Variants in GLRA2 observed in about 807,000 individuals in gnomAD.
GLRA2 encodes glycine receptor subunit alpha-2.
A neutral mutation model predicts 31.6 loss-of-function variants in GLRA2; 11 were observed. The observed-to-expected ratio is 0.35, with a 90% CI of 0.22 to 0.58. The LOEUF (loss-of-function observed/expected upper bound fraction) is 0.58. Among genes scored for constraint, GLRA2 ranks in the 20% least tolerant of loss-of-function variants. The probability of loss-of-function intolerance (pLI) is 0.84; values close to 1 mark genes in which losing one functional copy is unlikely to be tolerated. For synonymous variants in GLRA2, 132 were observed against 134.0 expected (o/e 0.99, Z 0.10); for missense variants, 212 against 351.8 (o/e 0.60, Z 3.18).
the GLRA2 span, among the ~76,000 whole-genome samples, chrX:14,449,536 G>A: frequency 8.9e-6 from 1 of 112,244 alleles, no homozygotes; most frequent in Admixed American, 9.4e-5. Flanking sequence ...GGCCAGGTGG[G>A]GAGAAAGCAG....
intron 7 of GLRA2, among the ~76,000 whole-genome samples, chrX:14,681,973 G>A (rs1462634503): frequency 3.5e-5 from 3 of 85,549 alleles, no homozygotes; most frequent in Admixed American, 1.3e-4. Flanking sequence ...ATTTATGTGT[G>A]TATATATGTA....
chrX:14,728,967 C>A (rs1209196264), intron 8 of GLRA2, among the ~76,000 whole-genome samples: 1 of 112,423 alleles, frequency 8.9e-6, no homozygotes, highest in South Asian at 3.7e-4. Flanking sequence ...GTTCTTCTCA[C>A]CTTCCTTACC....
chrX:14,556,071 C>G (rs2089638788), intron 2 of GLRA2, among the ~76,000 whole-genome samples: 1 of 111,749 alleles, frequency 8.9e-6, no homozygotes, highest in Non-Finnish European at 1.9e-5. Context: ...GAGAATCATG[C>G]AAAATTTCAT....
chrX:14,694,818 C>T (rs1365792656), intron 8 of GLRA2, among the ~76,000 whole-genome samples: 1 of 111,934 alleles, frequency 8.9e-6, no homozygotes, highest in Non-Finnish European at 1.9e-5. Flanking sequence ...GAGGTAAAAC[C>T]AATAGGTCAT....
intron 2 of GLRA2, among the ~76,000 whole-genome samples, chrX:14,535,323 A>G (rs958180583): frequency 1.8e-5 from 2 of 112,388 alleles, no homozygotes; most frequent in Non-Finnish European, 3.8e-5. Flanking sequence ...GTATACTTTC[A>G]AGTCAGTAAA....
At position 14,690,579 on chromosome X, in the gene GLRA2, C is replaced by G. The variant is rs2091334567; in HGVS notation, c.931-131C>G. 8 of 463,067 alleles carry G rather than the reference C, an allele frequency of 1.7e-5. No homozygotes were observed. The Admixed American group carries it at 2.7e-4, about 16-fold the overall frequency. 38.2% of individuals were successfully genotyped at this position (463,067 alleles called of 1,213,427 possible). On this transcript the variant is annotated intron_variant, in intron 7 of 8. Transcript: ENST00000218075. Reference sequence around the variant, plus strand: ...CTTTCTTAAGAAAACGCTGGAAAATCATTGACCAAGGAAATTAGGTTATTT... The same window carrying G: ...CTTTCTTAAGAAAACGCTGGAAAATGATTGACCAAGGAAATTAGGTTATTT...
At chrX:14,630,980 C>G (rs1437874745) in intron 7 of GLRA2, among the ~76,000 whole-genome samples, 1 of 109,888 alleles carries the variant, frequency 9.1e-6, no homozygotes, top group African/African-American at 3.3e-5. Flanking sequence ...CCATCAAGCC[C>G]CTTTATAAGG....
At chrX:14,594,559 A>C (rs1216155015) in intron 4 of GLRA2, among the ~76,000 whole-genome samples, 1 of 111,752 alleles carries the variant, frequency 8.9e-6, no homozygotes, top group African/African-American at 3.2e-5. Flanking sequence ...GATGGTGTTC[A>C]ATTTATCCCT....
chrX:14,620,740 G>C (rs1427336383), intron 7 of GLRA2, among the ~76,000 whole-genome samples: 1 of 111,484 alleles, frequency 9.0e-6, no homozygotes, highest in Non-Finnish European at 1.9e-5. Context: ...CACATGGATT[G>C]GTCTCATAAA....
intron 1 of GLRA2, among the ~76,000 whole-genome samples, chrX:14,530,741 G>A (rs2089243834): frequency 9.0e-6 from 1 of 111,635 alleles, no homozygotes; most frequent in Non-Finnish European, 1.9e-5. Flanking sequence ...AGTGGAGCAT[G>A]CATAATTTTA....
intron 8 of GLRA2, among the ~76,000 whole-genome samples, chrX:14,717,345 T>TAAA (rs766206290): frequency 1.1e-5 from 1 of 91,331 alleles, no homozygotes; most frequent in Non-Finnish European, 2.2e-5. Flanking sequence ...CTTAAGAAAG[T>TAAA]AAAAAAAAAA....
chrX:14,712,615 T>C (rs2091728316), intron 8 of GLRA2, among the ~76,000 whole-genome samples: 1 of 106,119 alleles, frequency 9.4e-6, no homozygotes, highest in African/African-American at 3.5e-5. Context: ...GACAAAGACA[T>C]TAAAAGTAGT....
intron 2 of GLRA2, among the ~76,000 whole-genome samples, chrX:14,534,107 T>A (rs748525733): frequency 9.0e-6 from 1 of 110,941 alleles, no homozygotes; most frequent in African/African-American, 3.2e-5. Flanking sequence ...CACATCCAAT[T>A]TTTTCCTGGT....
the GLRA2 span, among the ~76,000 whole-genome samples, chrX:14,468,723 C>T: frequency 1.8e-5 from 2 of 111,344 alleles, no homozygotes; most frequent in Non-Finnish European, 3.8e-5. Flanking sequence ...AGTGCTAGAT[C>T]CCTGAGGAAT....
chrX:14,483,682 T>C, the GLRA2 span, among the ~76,000 whole-genome samples: 1 of 112,057 alleles, frequency 8.9e-6, no homozygotes, highest in African/African-American at 3.2e-5. Flanking sequence ...TAATGTCTTA[T>C]TGCATTTTTA....
the GLRA2 span, among the ~76,000 whole-genome samples, chrX:14,452,444 G>T: frequency 5.5e-3 from 616 of 112,477 alleles, 8 homozygotes; most frequent in African/African-American, 0.018. Context: ...CCACTGCACA[G>T]GCATTCTTGC....
intron 2 of GLRA2, among the ~76,000 whole-genome samples, chrX:14,547,456 G>A (rs1391390535): frequency 9.0e-6 from 1 of 111,373 alleles, no homozygotes; most frequent in Non-Finnish European, 1.9e-5. Flanking sequence ...ACATCTGTCT[G>A]AGGTTGAGTT....
chrX:14,648,102 A>G (rs1410840348), intron 7 of GLRA2, among the ~76,000 whole-genome samples: 1 of 112,481 alleles, frequency 8.9e-6, no homozygotes, highest in Non-Finnish European at 1.9e-5. Flanking sequence ...AATGCTTTGT[A>G]AAAATATTTA....
intron 8 of GLRA2, among the ~76,000 whole-genome samples, chrX:14,725,959 C>T (rs1414861552): frequency 8.9e-6 from 1 of 112,064 alleles, no homozygotes; most frequent in African/African-American, 3.2e-5. Flanking sequence ...CAGTGAATAA[C>T]AAAAGAGGGT....
Sources: allele counts gnomAD v4.1 joint callset (sites outside exome capture counted in the v4.1 genomes callset), GRCh38; gene constraint gnomAD v4.1.1; transcripts MANE v1.5; gene names NCBI Gene and HGNC (gene_info 2026-07-23, HGNC 2026-07-21).